The following CDON variants were observed in gnomAD, a reference collection of about 807,000 sequenced individuals.
CDON encodes the protein cell adhesion molecule-related/down-regulated by oncogenes.
CDON carries 73 observed loss-of-function variants against 120.9 expected under a neutral mutation model. The ratio of observed to expected loss-of-function variants is 0.60; its 90% confidence interval spans 0.50 to 0.73. The LOEUF is 0.73. CDON is among the 30% of genes least tolerant of loss of function. CDON has a pLI of 0.00. For missense variants in CDON, 1,470 were observed against 1,587.3 expected (o/e 0.93, Z 1.26); for synonymous variants, 566 against 573.5 (o/e 0.99, Z 0.19).
chr11:126,017,123 T>A lies in CDON; in HGVS notation c.893A>T (p.Asp298Val), dbSNP rs1306816183. The change falls in exon 6 of 20, where the codon GAT (aspartate) becomes GTT (valine). Residue 298 changes from aspartate (D) to valine (V), a missense_variant. Coordinates refer to ENST00000531738, the MANE Select transcript of CDON (RefSeq NM_001378964.1). Reference sequence around the variant, plus strand: ...AACCATGTAAGTCACATATTTTACATCTCCAGACTTGTTTCCCGCCATGCA... The same window carrying A: ...AACCATGTAAGTCACATATTTTACAACTCCAGACTTGTTTCCCGCCATGCA... Reference protein sequence around the residue: ...YSCMAGNKSGDVKYVTYMVNV... With the variant: ...YSCMAGNKSGVVKYVTYMVNV... The A allele has an allele frequency of 6.2e-7, 1 of 1,614,056 alleles. No individual in the cohort carries two copies. Among genetic ancestry groups the A allele is most frequent in the Non-Finnish European group, 8.5e-7 (1 of 1,180,024 alleles).
At chr11:126,055,612 ATC>A (rs1332596926) in intron 1 of CDON, among the ~76,000 whole-genome samples, 2 of 152,176 alleles carry the variant, frequency 1.3e-5, no homozygotes, top group Admixed American at 6.5e-5. Context: ...TGAGTTATTT[ATC>A]TCTCTTGTAA....
intron 1 of CDON, among the ~76,000 whole-genome samples, chr11:126,026,037 C>T (rs145507369): frequency 7.1e-4 from 108 of 152,276 alleles, no homozygotes; most frequent in African/African-American, 2.4e-3. Flanking sequence ...GCAACAATGA[C>T]ATCATATTTA....
At chr11:126,023,350 G>C (rs1454856564) in intron 2 of CDON, 51 bp downstream of exon 2, 1 of 1,081,696 alleles carries the variant, frequency 9.2e-7, no homozygotes, top group Non-Finnish European at 1.4e-6. Flanking sequence ...ATGTTTTATA[G>C]GATTAAGATG....
chr11:126,016,397 A>G (rs571255727), intron 6 of CDON, among the ~76,000 whole-genome samples: 2 of 152,294 alleles, frequency 1.3e-5, no homozygotes, highest in Admixed American at 6.5e-5. Context: ...CACCCAAAAA[A>G]AGAAAATTAA....
chr11:126,014,572 T>C (rs867276159), intron 7 of CDON, among the ~76,000 whole-genome samples: 3 of 152,204 alleles, frequency 2.0e-5, no homozygotes, highest in African/African-American at 7.2e-5. Context: ...GAATTTCTTT[T>C]ACAAATACTC....
chr11:125,984,651 C>T (rs1278482434), intron 15 of CDON, among the ~76,000 whole-genome samples: 1 of 149,350 alleles, frequency 6.7e-6, no homozygotes, highest in African/African-American at 2.5e-5. Context: ...GAGCCCAGAT[C>T]ACGCCACTGC....
chr11:126,001,971 G>A, intron 10 of CDON, 121 bp from the exon 11 acceptor site: 2 of 753,118 alleles, frequency 2.7e-6, no homozygotes, highest in East Asian at 5.4e-5. Context: ...ATCAGACACA[G>A]CATCTAAATG....
Position 126,060,571 on chromosome 11 carries a change from T to C in CDON, c.-62+2008A>G, listed in dbSNP as rs190694220. Among the ~76,000 whole-genome samples, 204 of 152,258 alleles carry C rather than the reference T, an allele frequency of 1.3e-3. 1 individual carries two copies. Among genetic ancestry groups the C allele is most frequent in the Non-Finnish European group, 2.3e-3 (155 of 68,016 alleles). ...AACGTTCGTGGAAAAAAAAAAATTC[T>C]ACAGAAGGAAAATTTTACTTCAACT... On this transcript the variant is annotated intron_variant, in intron 1 of 19. Transcript: ENST00000531738.
chr11:126,050,322 G>A (rs1361604099), intron 1 of CDON, among the ~76,000 whole-genome samples: 1 of 151,764 alleles, frequency 6.6e-6, no homozygotes, highest in African/African-American at 2.4e-5. Flanking sequence ...TAAAAAGAAA[G>A]ACTAAAGTTC....
In CDON at chr11:126,018,383, G is replaced by A. The variant is rs771535458; in HGVS notation, c.587C>T (p.Pro196Leu). The change falls in exon 5 of 20, where the codon CCT becomes CTT. Residue 196 changes from proline (P) to leucine (L), a missense_variant. By Grantham distance (98) the Pro-to-Leu change is moderately conservative (BLOSUM62 -3). Transcript: ENST00000531738. ...TTCAACTTTTAATTGATGTGTGACA[G>A]GATTATAAGCTGCACATTTGTATGA... The part of the protein sequence containing the change: ...KGSYKCAAYN[P>L]VTHQLKVEPI... 1 of 1,613,934 alleles carries A rather than the reference G, an allele frequency of 6.2e-7. No individual in the cohort carries two copies. The highest frequency in any genetic ancestry group is 8.5e-7 in the Non-Finnish European group (1 of 1,179,846).
intron 6 of CDON, among the ~76,000 whole-genome samples, chr11:126,016,381 T>C (rs2134665141): frequency 6.6e-6 from 1 of 152,280 alleles, no homozygotes; most frequent in African/African-American, 2.4e-5. Flanking sequence ...CAGGCATTGG[T>C]AAGAGCACCC....
chr11:126,018,100 C>G lies in CDON; in HGVS notation c.640+230G>C, dbSNP rs4256996. Among the ~76,000 whole-genome samples the G allele has an allele frequency of 0.1, 15,762 of 152,034 alleles. 854 individuals are homozygous for G. The highest frequency in any genetic ancestry group is 0.13 in the Admixed American group (1,927 of 15,268). On this transcript the variant is annotated intron_variant, in intron 5 of 19. Coordinates refer to ENST00000531738, the MANE Select transcript of CDON (RefSeq NM_001378964.1). ...TTTTTATTAGAGACAGGGTTTCACC[C>G]TGTTGGTCAGGCTGGTCTCAAACTC...
chr11:126,011,383 A>C (rs1010095030), intron 7 of CDON, among the ~76,000 whole-genome samples: 1 of 152,214 alleles, frequency 6.6e-6, no homozygotes, highest in Non-Finnish European at 1.5e-5. Flanking sequence ...ATGTCTGACA[A>C]AACCAACCAA....
intron 15 of CDON, among the ~76,000 whole-genome samples, chr11:125,986,179 G>A (rs935681212): frequency 1.3e-5 from 2 of 152,164 alleles, no homozygotes; most frequent in African/African-American, 2.4e-5. Context: ...CATGGATGAA[G>A]CTGGAAACCA....
At chr11:126,037,184 T>C (rs966963856) in intron 1 of CDON, among the ~76,000 whole-genome samples, 3 of 152,020 alleles carry the variant, frequency 2.0e-5, no homozygotes, top group Non-Finnish European at 4.4e-5. Context: ...CACTGCAGCC[T>C]TGACCTCCCT....
At chr11:126,049,538 ATCAAAG>A (rs1231794634) in intron 1 of CDON, among the ~76,000 whole-genome samples, 2 of 152,254 alleles carry the variant, frequency 1.3e-5, no homozygotes, top group African/African-American at 4.8e-5. Context: ...ATCAGAAGTC[ATCAAAG>A]TCATTTTTAA....
In CDON at chr11:126,048,292, A is replaced by AAAAAG. The variant is rs903584341; in HGVS notation, c.-62+14282_-62+14286dup. Among the ~76,000 whole-genome samples, 6 of 151,852 alleles carry AAAAAG rather than the reference A, an allele frequency of 4.0e-5. 1 individual carries two copies. Among genetic ancestry groups the AAAAAG allele is most frequent in the Non-Finnish European group, 5.9e-5 (4 of 67,958 alleles). On this transcript the variant is annotated intron_variant, in intron 1 of 19. Transcript: ENST00000531738. ...AGTGAGACTCTGTCTCAAAAAAAAA[A>AAAAAG]AAAAGAAAAGAAATGGTCTTCTTCA...
At chr11:126,010,910 T>C (rs758835585) in intron 7 of CDON, 35 of 613,696 alleles carry the variant, frequency 5.7e-5, no homozygotes, top group Non-Finnish European at 1.0e-4. Context: ...CCTACGTAAA[T>C]TTCCTGTCCT....
intron 7 of CDON, among the ~76,000 whole-genome samples, chr11:126,012,838 T>G (rs1947347365): frequency 6.6e-6 from 1 of 152,214 alleles, no homozygotes; most frequent in African/African-American, 2.4e-5. Context: ...GGATAGCCCA[T>G]GTTGACAATC....
Sources: gnomAD v4.1 joint callset for allele counts (sites outside exome capture counted in the v4.1 genomes callset) on GRCh38, gnomAD v4.1.1 for gene constraint, MANE v1.5 for transcripts, NCBI Gene and HGNC (gene_info 2026-07-23, HGNC 2026-07-21) for gene names.